ARHGAP24: variants seen among roughly 807,000 people sequenced by gnomAD.
The protein encoded by ARHGAP24 is rho GTPase-activating protein 24.
In ARHGAP24, 50 loss-of-function variants were observed where a neutral mutation model predicts 76.4. That is an observed-to-expected ratio of 0.65 (90% confidence interval 0.52 to 0.83). The LOEUF is 0.83. ARHGAP24 is among the 40% of genes least tolerant of loss of function. The probability of loss-of-function intolerance (pLI) is 0.00; values close to 1 mark genes in which losing one functional copy is unlikely to be tolerated. For missense variants in ARHGAP24, 930 were observed against 914.2 expected, an observed-to-expected ratio of 1.02 and a Z score of -0.22; for synonymous variants, 345 against 323.3, an observed-to-expected ratio of 1.07 and a Z score of -0.72.
At chr4:85,831,788 G>A (rs1005883075) in intron 3 of ARHGAP24, among the ~76,000 whole-genome samples, 5 of 151,826 alleles carry the variant, frequency 3.3e-5, no homozygotes, top group South Asian at 2.1e-4. Context: ...TGTAGTCCCA[G>A]GTACTCGGGA....
chr4:85,506,171 G>A (rs1020340853), intron 1 of ARHGAP24, among the ~76,000 whole-genome samples: 1 of 152,134 alleles, frequency 6.6e-6, no homozygotes, highest in Non-Finnish European at 1.5e-5. Flanking sequence ...CTACTGGGAG[G>A]TGTCTCCCAG....
At chr4:85,824,953 G>T (rs1729643522) in intron 3 of ARHGAP24, among the ~76,000 whole-genome samples, 1 of 152,098 alleles carries the variant, frequency 6.6e-6, no homozygotes, top group African/African-American at 2.4e-5. Flanking sequence ...AGCCAGGTGT[G>T]ATGGCATGTG....
At chr4:85,951,455 CAAG>C (rs1736199426) in intron 5 of ARHGAP24, among the ~76,000 whole-genome samples, 1 of 152,034 alleles carries the variant, frequency 6.6e-6, no homozygotes, top group African/African-American at 2.4e-5. Context: ...TTCGTTAGTT[CAAG>C]TTTATCTCAC....
intron 2 of ARHGAP24, among the ~76,000 whole-genome samples, chr4:85,677,929 A>G (rs532974701): frequency 6.6e-6 from 1 of 152,270 alleles, no homozygotes; most frequent in African/African-American, 2.4e-5. Context: ...AGTCCCAGTT[A>G]TTGGGAAAAC....
At chr4:85,799,495 A>T (rs1728495313) in intron 3 of ARHGAP24, among the ~76,000 whole-genome samples, 1 of 152,174 alleles carries the variant, frequency 6.6e-6, no homozygotes, top group Non-Finnish European at 1.5e-5. Flanking sequence ...TTACTGAAAA[A>T]TTTTAAATGA....
chr4:85,815,843 G>A (rs988595739), intron 3 of ARHGAP24, among the ~76,000 whole-genome samples: 3 of 152,156 alleles, frequency 2.0e-5, no homozygotes, highest in Non-Finnish European at 2.9e-5. Flanking sequence ...AGACATACCC[G>A]AGACTAGGCA....
chr4:85,860,536 G>A (rs1264745832), intron 3 of ARHGAP24, among the ~76,000 whole-genome samples: 1 of 152,034 alleles, frequency 6.6e-6, no homozygotes, highest in South Asian at 2.1e-4. Context: ...GAAACCCAAG[G>A]CTAACTTAGA....
At chr4:85,593,338 T>C (rs1377382011) in intron 2 of ARHGAP24, among the ~76,000 whole-genome samples, 1 of 152,194 alleles carries the variant, frequency 6.6e-6, no homozygotes, top group African/African-American at 2.4e-5. Context: ...TTGAGCTGCT[T>C]ATATATTCTG....
chr4:85,487,604 TATATTATATAAACATATATTTATTAC>T (rs1253087678), intron 1 of ARHGAP24, among the ~76,000 whole-genome samples: 28 of 103,018 alleles, frequency 2.7e-4, no homozygotes, highest in African/African-American at 6.6e-4. Context: ...ATATATTTAT[TATATTATATAAACATATATTTATTAC>T]ATATTATATA....
chr4:85,923,538 T>C, intron 3 of ARHGAP24, 110 bp from the exon 4 acceptor site: 2 of 1,464,000 alleles, frequency 1.4e-6, no homozygotes, highest in Non-Finnish European at 1.9e-6. Context: ...TGGGTAGAAC[T>C]TAGTGCGGGC....
intron 2 of ARHGAP24, among the ~76,000 whole-genome samples, chr4:85,650,362 A>G (rs552392858): frequency 4.7e-5 from 7 of 149,756 alleles, no homozygotes; most frequent in Non-Finnish European, 7.4e-5. Context: ...TCAATATTCA[A>G]TGTGTATGTA....
intron 2 of ARHGAP24, among the ~76,000 whole-genome samples, chr4:85,633,815 A>C (rs1721233824): frequency 6.6e-6 from 1 of 151,860 alleles, no homozygotes; most frequent in Non-Finnish European, 1.5e-5. Context: ...TCTCCTCTCT[A>C]AAGTTAAGTT....
intron 1 of ARHGAP24, among the ~76,000 whole-genome samples, chr4:85,539,369 C>A (rs1725592380): frequency 6.6e-6 from 1 of 151,988 alleles, no homozygotes; most frequent in African/African-American, 2.4e-5. Flanking sequence ...GCTGACAAAC[C>A]ATTTTACTGC....
chr4:85,945,860 A>G (rs1159289869), intron 5 of ARHGAP24, among the ~76,000 whole-genome samples: 1 of 151,832 alleles, frequency 6.6e-6, no homozygotes, highest in East Asian at 1.9e-4. Context: ...CTTTTCCTTT[A>G]TAAAGTAAAA....
At chr4:85,950,594 T>C (rs1015198622) in intron 5 of ARHGAP24, among the ~76,000 whole-genome samples, 6 of 152,128 alleles carry the variant, frequency 3.9e-5, no homozygotes, top group Non-Finnish European at 7.4e-5. Flanking sequence ...CGGAGGTTGA[T>C]TCTGTATAAC....
chr4:85,909,625 G>C (rs1374651521), intron 3 of ARHGAP24, among the ~76,000 whole-genome samples: 3 of 152,094 alleles, frequency 2.0e-5, no homozygotes, highest in African/African-American at 7.2e-5. Context: ...ATAAACCCAT[G>C]GGTGTTCATT....
rs1206111626 is a variant in ARHGAP24 at position 85,567,815 on chromosome 4, A to G, written c.-20-2707A>G. 3.9e-5 allele frequency among the ~76,000 whole-genome samples: 6 copies of G among 152,248 alleles called. No individual in the cohort carries two copies. The East Asian group carries it at 1.2e-3, about 29-fold the overall frequency. ...TCTCCAGAAATATTAAGACTTCTCT[A>G]TAAAAATTATGGTTGTTTTAGTAAA... is the stretch of plus-strand genomic sequence containing the variant. On this transcript the variant is annotated intron_variant, in intron 1 of 9. Transcript: ENST00000395184.
At chr4:85,676,099 A>T (rs1722970442) in intron 2 of ARHGAP24, among the ~76,000 whole-genome samples, 1 of 152,182 alleles carries the variant, frequency 6.6e-6, no homozygotes, top group Non-Finnish European at 1.5e-5. Context: ...TCATTGCATA[A>T]TTTGATTGAT....
rs376917152 is a variant in ARHGAP24 at position 85,666,652 on chromosome 4, G to A, written c.181-55233G>A. Among the ~76,000 whole-genome samples, 12 of 152,240 alleles carry A rather than the reference G, an allele frequency of 7.9e-5. No homozygotes were observed. The East Asian group carries it at 1.7e-3, about 22-fold the overall frequency. ...TATCTACTTTTGGTCTTTGATGATGGTGATGTACAGATGGGTTTTTGGTGT... is the reference window on the plus strand; with the variant it reads ...TATCTACTTTTGGTCTTTGATGATGATGATGTACAGATGGGTTTTTGGTGT... On this transcript the variant is annotated intron_variant, in intron 2 of 9. Transcript: ENST00000395184.
Sources: allele counts gnomAD v4.1 joint callset (sites outside exome capture counted in the v4.1 genomes callset), GRCh38; gene constraint gnomAD v4.1.1; transcripts MANE v1.5; gene names NCBI Gene and HGNC (gene_info 2026-07-23, HGNC 2026-07-21).